Variants in RBFOX1 observed in about 807,000 individuals in gnomAD.
RBFOX1 encodes RNA binding protein fox-1 homolog 1.
In RBFOX1, 8 loss-of-function variants were observed where a neutral mutation model predicts 57.7. The ratio of observed to expected loss-of-function variants is 0.14; its 90% CI spans 0.08 to 0.25. RBFOX1 has a LOEUF of 0.25. RBFOX1 is among the 10% of genes least tolerant of loss of function. The probability of loss-of-function intolerance (pLI) is 1.00; values close to 1 mark genes in which losing one functional copy is unlikely to be tolerated. For missense variants in RBFOX1, 611 were observed against 548.5 expected, an observed-to-expected ratio of 1.11 and a Z score of -1.14; for synonymous variants, 326 against 222.4, an observed-to-expected ratio of 1.47 and a Z score of -4.15.
intron 3 of RBFOX1, among the ~76,000 whole-genome samples, chr16:6,675,905 C>T (rs1019338865): frequency 6.7e-6 from 1 of 149,274 alleles, no homozygotes; most frequent in African/African-American, 2.4e-5. Context: ...AACCATATCA[C>T]ATGGGATGTG....
At chr16:5,790,422 C>T (rs974967731) in intron 3 of RBFOX1, among the ~76,000 whole-genome samples, 4 of 151,868 alleles carry the variant, frequency 2.6e-5, no homozygotes, top group Non-Finnish European at 4.4e-5. Context: ...TTGTTTGTGC[C>T]TCCTTCCACT....
chr16:6,925,507 G>A (rs1215456302), intron 3 of RBFOX1, among the ~76,000 whole-genome samples: 1 of 150,618 alleles, frequency 6.6e-6, no homozygotes, highest in South Asian at 2.1e-4. Context: ...ATTCCACTGT[G>A]AATGTAAATT....
At chr16:6,280,046 T>C (rs1426827347) in intron 1 of RBFOX1, among the ~76,000 whole-genome samples, 1 of 152,032 alleles carries the variant, frequency 6.6e-6, no homozygotes, top group Non-Finnish European at 1.5e-5. Flanking sequence ...CAGAAAAGAT[T>C]AAAACACGAT....
At chr16:5,944,392 CATG>C (rs2059349334) in intron 4 of RBFOX1, among the ~76,000 whole-genome samples, 4 of 152,142 alleles carry the variant, frequency 2.6e-5, no homozygotes, top group Middle Eastern at 3.2e-3. Context: ...ATAGCAGTTA[CATG>C]AAGACGTGAG....
chr16:6,996,979 A>C (rs1016615268), intron 3 of RBFOX1, among the ~76,000 whole-genome samples: 3 of 152,190 alleles, frequency 2.0e-5, no homozygotes, highest in Non-Finnish European at 4.4e-5. Context: ...GCAGCATTGA[A>C]GATTTCCTCA....
intron 1 of RBFOX1, among the ~76,000 whole-genome samples, chr16:6,135,382 G>T (rs138691220): frequency 3.3e-5 from 5 of 152,300 alleles, no homozygotes; most frequent in African/African-American, 4.8e-5. Context: ...ATAGAATTCA[G>T]TGCAGGTATT....
At chr16:6,212,385 A>C (rs1202304898) in intron 1 of RBFOX1, among the ~76,000 whole-genome samples, 2 of 151,184 alleles carry the variant, frequency 1.3e-5, no homozygotes, top group African/African-American at 4.9e-5. Flanking sequence ...ATAGGTACAC[A>C]TATATGTGTA....
chr16:5,334,490 G>A (rs1325125764), intron 1 of RBFOX1, among the ~76,000 whole-genome samples: 1 of 152,092 alleles, frequency 6.6e-6, no homozygotes, highest in East Asian at 1.9e-4. Flanking sequence ...AAAAGAGATG[G>A]TTGGGTCTTG....
At chr16:6,334,399 T>A (rs2083388201) in intron 2 of RBFOX1, among the ~76,000 whole-genome samples, 1 of 149,946 alleles carries the variant, frequency 6.7e-6, no homozygotes, top group Non-Finnish European at 1.5e-5. Flanking sequence ...TCCCAGCTAC[T>A]CAGGAAGCTG....
At position 6,316,698 on chromosome 16, in the gene RBFOX1, C is replaced by G. The variant is rs550782881; in HGVS notation, c.-126-297C>G. ...TGACTTGCCCGAGTTCAAATTCAGGCTTCACGATGTACATGCATGTCTTGT... is the reference window on the plus strand; with the variant it reads ...TGACTTGCCCGAGTTCAAATTCAGGGTTCACGATGTACATGCATGTCTTGT... On this transcript the variant is annotated intron_variant, in intron 1 of 15. Transcript: ENST00000550418. 8.9e-4 allele frequency among the ~76,000 whole-genome samples: 135 copies of G among 152,246 alleles called. 1 individual carries two copies. Among genetic ancestry groups the G allele is most frequent in the Non-Finnish European group, 1.2e-3 (85 of 68,024 alleles).
At chr16:5,592,098 G>T (rs2047027630) in intron 2 of RBFOX1, among the ~76,000 whole-genome samples, 1 of 152,176 alleles carries the variant, frequency 6.6e-6, no homozygotes, top group African/African-American at 2.4e-5. Context: ...GGATTATGGG[G>T]ATTTCTTAAT....
intron 11 of RBFOX1, among the ~76,000 whole-genome samples, chr16:7,648,353 T>C (rs888178499): frequency 1.3e-5 from 2 of 152,116 alleles, no homozygotes; most frequent in African/African-American, 4.8e-5. Context: ...GCCTCCCAAG[T>C]AGCTGGGACT....
At chr16:6,090,309 T>C (rs1217559078) in intron 1 of RBFOX1, among the ~76,000 whole-genome samples, 2 of 152,202 alleles carry the variant, frequency 1.3e-5, no homozygotes, top group Admixed American at 6.5e-5. Flanking sequence ...TAATTCCCTG[T>C]TGCCCTGTAA....
At chr16:6,158,070 G>A (rs2096851056) in intron 1 of RBFOX1, among the ~76,000 whole-genome samples, 1 of 152,158 alleles carries the variant, frequency 6.6e-6, no homozygotes, top group South Asian at 2.1e-4. Context: ...ATGGAAACTA[G>A]GAGCGGGGAG....
At chr16:5,277,013 T>C (rs1250448925) in intron 1 of RBFOX1, among the ~76,000 whole-genome samples, 1 of 152,136 alleles carries the variant, frequency 6.6e-6, no homozygotes, top group African/African-American at 2.4e-5. Flanking sequence ...ATCAGCAAAA[T>C]TCACATTTGC....
intron 1 of RBFOX1, among the ~76,000 whole-genome samples, chr16:6,211,472 C>T (rs1779937456): frequency 6.6e-6 from 1 of 152,144 alleles, no homozygotes; most frequent in African/African-American, 2.4e-5. Context: ...ACGTGATCCA[C>T]CCGCCTCTGC....
chr16:6,211,649 A>T (rs1425231169), intron 1 of RBFOX1, among the ~76,000 whole-genome samples: 1 of 152,106 alleles, frequency 6.6e-6, no homozygotes, highest in African/African-American at 2.4e-5. Context: ...AAGCTGAGAG[A>T]AGTACCTCTT....
rs2097447395 is a variant in RBFOX1 at position 6,230,111 on chromosome 16, C to T, written c.-126-86884C>T. Among the ~76,000 whole-genome samples, 3 of 152,192 alleles carry T rather than the reference C, an allele frequency of 2.0e-5. 1 individual carries two copies. In the South Asian group the frequency reaches 6.2e-4, roughly 32 times the overall value. On this transcript the variant is annotated intron_variant, in intron 1 of 15. Transcript: ENST00000550418. Reference sequence around the variant, plus strand: ...AATAAATATATTTTTACTCCATCTTCTTCTTAAAAGACTTTATCGCAGAGA... The same window carrying T: ...AATAAATATATTTTTACTCCATCTTTTTCTTAAAAGACTTTATCGCAGAGA...
chr16:7,707,274 G>A (rs1598621872), intron 14 of RBFOX1, among the ~76,000 whole-genome samples: 1 of 152,150 alleles, frequency 6.6e-6, no homozygotes, highest in African/African-American at 2.4e-5. Flanking sequence ...CTTGGAGTCT[G>A]AGAAGGTCCA....
Sources: gnomAD v4.1 joint callset for allele counts (sites outside exome capture counted in the v4.1 genomes callset) on GRCh38, gnomAD v4.1.1 for gene constraint, MANE v1.5 for transcripts, NCBI Gene and HGNC (gene_info 2026-07-23, HGNC 2026-07-21) for gene names.